The following RGS6 variants were observed in gnomAD, a reference collection of about 807,000 sequenced individuals.
The protein encoded by RGS6 is regulator of G-protein signaling 6.
In RGS6, 30 loss-of-function variants were observed where a neutral mutation model predicts 78.5. The ratio of observed to expected loss-of-function variants is 0.38; its 90% CI spans 0.29 to 0.52. RGS6 has a LOEUF of 0.52. Among genes scored for constraint, RGS6 ranks in the 20% least tolerant of loss-of-function variants. The pLI, the probability that RGS6 is intolerant of heterozygous loss-of-function variation, is 0.85. For synonymous variants in RGS6, 206 were observed against 206.0 expected (o/e 1.00, Z 0.00); for missense variants, 495 against 609.7 (o/e 0.81, Z 1.98).
At chr14:72,160,944 A>G (rs190540210) in intron 2 of RGS6, among the ~76,000 whole-genome samples, 45 of 152,386 alleles carry the variant, frequency 3.0e-4, no homozygotes, top group African/African-American at 1.1e-3. Context: ...ACAAAAATGC[A>G]TGTTTATTGT....
chr14:72,469,096 T>G (rs1022911800), intron 7 of RGS6, among the ~76,000 whole-genome samples: 3 of 152,180 alleles, frequency 2.0e-5, no homozygotes, highest in African/African-American at 7.2e-5. Flanking sequence ...CTCTACAGAC[T>G]TAGAGAAAAT....
chr14:72,445,855 T>G (rs1359318166), intron 3 of RGS6, among the ~76,000 whole-genome samples: 8 of 152,196 alleles, frequency 5.3e-5, no homozygotes, highest in African/African-American at 1.9e-4. Context: ...TTCTAAACAC[T>G]AGAACTCCAA....
At position 72,093,318 on chromosome 14, in the gene RGS6, T is replaced by G. The variant is rs145809291; in HGVS notation, c.84+128443T>G. 6.6e-3 allele frequency among the ~76,000 whole-genome samples: 999 copies of G among 152,304 alleles called. 5 individuals carry two copies. The highest frequency in any genetic ancestry group is 0.022 in the African/African-American group (903 of 41,568). On this transcript the variant is annotated intron_variant, in intron 2 of 17. Transcript: ENST00000553525. ...ATGCAGTGGTGTGATCATGGCTCACTGCAGCCTCTACCTCCCCGGGCTCAA... is the reference window on the plus strand; with the variant it reads ...ATGCAGTGGTGTGATCATGGCTCACGGCAGCCTCTACCTCCCCGGGCTCAA...
intron 12 of RGS6, among the ~76,000 whole-genome samples, chr14:72,483,536 C>A (rs180953183): frequency 6.6e-6 from 1 of 152,144 alleles, no homozygotes; most frequent in East Asian, 1.9e-4. Flanking sequence ...GACTGGATAC[C>A]CCTAAGGGTC....
intron 2 of RGS6, among the ~76,000 whole-genome samples, chr14:72,184,822 A>G (rs773349053): frequency 2.0e-5 from 3 of 152,238 alleles, no homozygotes; most frequent in Non-Finnish European, 4.4e-5. Context: ...ATGTATTTAT[A>G]TGTATTGTCT....
chr14:71,930,222 A>T (rs36328), upstream of RGS6, among the ~76,000 whole-genome samples: 2 of 152,040 alleles, frequency 1.3e-5, no homozygotes, highest in African/African-American at 4.8e-5. Flanking sequence ...TTCATCTCCA[A>T]CTTCAAGGCA....
chr14:72,299,171 A>G (rs2065531358), intron 2 of RGS6, among the ~76,000 whole-genome samples: 1 of 152,120 alleles, frequency 6.6e-6, no homozygotes, highest in Non-Finnish European at 1.5e-5. Context: ...TTACCATTTG[A>G]TGTATACAAT....
rs76887471 is a variant in RGS6 at position 72,559,395 on chromosome 14, G to T, written c.1423-3022G>T. ...TGCAGTATTTCTTCCCCAAAGCCCC[G>T]GGCCAGGCATCTACCCATGCCCGCA... On this transcript the variant is annotated intron_variant, in intron 17 of 17. Coordinates refer to ENST00000553525, the MANE Select transcript of RGS6 (RefSeq NM_001204424.2). 2.6e-5 allele frequency among the ~76,000 whole-genome samples: 4 copies of T among 152,292 alleles called. No individual in the cohort carries two copies. In the East Asian group the frequency reaches 5.8e-4, roughly 22 times the overall value.
At chr14:72,502,290 C>T (rs994126347) in intron 13 of RGS6, among the ~76,000 whole-genome samples, 1 of 152,184 alleles carries the variant, frequency 6.6e-6, no homozygotes, top group Admixed American at 6.5e-5. Flanking sequence ...GTGATGAGCC[C>T]TCCTGGATGC....
chr14:72,000,448 T>C (rs938619177), intron 2 of RGS6, among the ~76,000 whole-genome samples: 2 of 152,266 alleles, frequency 1.3e-5, no homozygotes, highest in East Asian at 1.9e-4. Context: ...AACGGAAATA[T>C]GGAGTAGGCG....
At chr14:72,410,944 C>A (rs992610933) in intron 3 of RGS6, among the ~76,000 whole-genome samples, 8 of 152,246 alleles carry the variant, frequency 5.3e-5, no homozygotes, top group African/African-American at 1.9e-4. Flanking sequence ...GTTTTGGTAC[C>A]AGTACCATGC....
chr14:72,397,255 G>A (rs1189434645), intron 3 of RGS6, among the ~76,000 whole-genome samples: 4 of 152,106 alleles, frequency 2.6e-5, no homozygotes, highest in Non-Finnish European at 4.4e-5. Context: ...TCCTTGGAGA[G>A]GTCCTTCACA....
rs552406928 is a variant in RGS6 at position 72,243,243 on chromosome 14, T to C, written c.85-108852T>C. On this transcript the variant is annotated intron_variant, in intron 2 of 17. Transcript: ENST00000553525. ...GATAAATAGTCATAAATATCAGAAA[T>C]TGAAAATTAGATTAATTCCTCCTTA... Among the ~76,000 whole-genome samples the C allele has an allele frequency of 2.0e-5, 3 of 152,372 alleles. No homozygotes were observed. The South Asian group carries it at 6.2e-4, about 32-fold the overall frequency.
At chr14:72,619,744 AGTC>A in the RGS6 span, among the ~76,000 whole-genome samples, 3 of 152,196 alleles carry the variant, frequency 2.0e-5, no homozygotes, top group African/African-American at 7.2e-5. Flanking sequence ...GTAAAATGGC[AGTC>A]GTCGTACCTA....
At chr14:72,523,452 A>C (rs922400768) in intron 15 of RGS6, among the ~76,000 whole-genome samples, 1 of 152,124 alleles carries the variant, frequency 6.6e-6, no homozygotes, top group Admixed American at 6.5e-5. Context: ...TGCAGTGGTC[A>C]TATGCTTTAA....
chr14:72,430,690 T>C (rs1005030478), intron 3 of RGS6, among the ~76,000 whole-genome samples: 5 of 152,286 alleles, frequency 3.3e-5, no homozygotes, highest in East Asian at 1.9e-4. Flanking sequence ...TTGGGGTTTT[T>C]TTCTGTGTGG....
chr14:71,927,460 C>G (rs1177933153), upstream of RGS6, among the ~76,000 whole-genome samples: 1 of 152,126 alleles, frequency 6.6e-6, no homozygotes, highest in South Asian at 2.1e-4. Context: ...CCACTTCACA[C>G]TGTAATCAAT....
At chr14:72,278,786 A>C (rs1303537789) in intron 2 of RGS6, among the ~76,000 whole-genome samples, 1 of 152,108 alleles carries the variant, frequency 6.6e-6, no homozygotes, top group Non-Finnish European at 1.5e-5. Context: ...CCTGCTGCAT[A>C]ATACGGTACC....
At chr14:72,619,989 T>C in the RGS6 span, 2 of 1,533,528 alleles carry the variant, frequency 1.3e-6, no homozygotes, top group Non-Finnish European at 1.7e-6. Flanking sequence ...CTGGTCCTGG[T>C]GGAACACAGA....
Sources: allele counts gnomAD v4.1 joint callset (sites outside exome capture counted in the v4.1 genomes callset), GRCh38; gene constraint gnomAD v4.1.1; transcripts MANE v1.5; gene names NCBI Gene and HGNC (gene_info 2026-07-23, HGNC 2026-07-21).